The following ABLIM1 variants were observed in gnomAD, a reference collection of about 807,000 sequenced individuals.
ABLIM1 encodes the protein actin-binding LIM protein 1.
ABLIM1 carries 40 observed loss-of-function variants against 107.0 expected under a neutral mutation model. The ratio of observed to expected loss-of-function variants is 0.37; its 90% CI spans 0.29 to 0.49. The LOEUF is 0.49. Ranked by LOEUF, ABLIM1 falls within the 20% of genes least tolerant of loss-of-function variation. The pLI is 0.97. For missense variants in ABLIM1, 857 were observed against 1,008.5 expected, an observed-to-expected ratio of 0.85 and a Z score of 2.04; for synonymous variants, 357 against 357.3, an observed-to-expected ratio of 1.00 and a Z score of 0.01.
intron 6 of ABLIM1, among the ~76,000 whole-genome samples, chr10:114,511,058 A>G (rs2061789885): frequency 6.6e-6 from 1 of 152,024 alleles, no homozygotes; most frequent in Non-Finnish European, 1.5e-5. Flanking sequence ...ATATCTTTGA[A>G]GTCTTCCACT....
rs1215012774 is a variant in ABLIM1 at position 114,738,778 on chromosome 10, C to T, written c.-213+29283G>A. On this transcript the variant is annotated intron_variant, in intron 1 of 15. Coordinates refer to the ABLIM1 transcript ENST00000651092. ...TCTATAACAGATGGAAACTGAGGCA[C>T]GATAAAAAAAAAAAAGTAGGGAGTG... Among the ~76,000 whole-genome samples the T allele has an allele frequency of 5.9e-5, 8 of 136,506 alleles. No individual in the cohort carries two copies. The East Asian group carries it at 7.5e-4, about 13-fold the overall frequency. The allele number at this position is 136,506 out of a possible 152,430, so 89.6% of individuals were successfully genotyped here.
chr10:114,520,539 T>G (rs2063576345), intron 6 of ABLIM1, among the ~76,000 whole-genome samples: 1 of 152,188 alleles, frequency 6.6e-6, no homozygotes, highest in Admixed American at 6.5e-5. Context: ...CTGCCAATTG[T>G]AACCCTGGAT....
At chr10:114,716,369 A>G (rs1187263639) in intron 1 of ABLIM1, among the ~76,000 whole-genome samples, 1 of 151,646 alleles carries the variant, frequency 6.6e-6, no homozygotes, top group Non-Finnish European at 1.5e-5. Context: ...TGAGAGGTAT[A>G]AGAGTTTTTC....
At chr10:114,569,678 G>T (rs1445876408) in intron 4 of ABLIM1, among the ~76,000 whole-genome samples, 1 of 152,160 alleles carries the variant, frequency 6.6e-6, no homozygotes, top group Non-Finnish European at 1.5e-5. Context: ...AAATAATGGG[G>T]TGACAATTCC....
chr10:114,680,653 T>C (rs1240720895), intron 1 of ABLIM1, among the ~76,000 whole-genome samples: 2 of 152,176 alleles, frequency 1.3e-5, no homozygotes, highest in South Asian at 2.1e-4. Flanking sequence ...AGGTCATCTA[T>C]ATCCCGAAGG....
At chr10:114,601,432 AT>A (rs1174810204) in intron 2 of ABLIM1, among the ~76,000 whole-genome samples, 1 of 151,750 alleles carries the variant, frequency 6.6e-6, no homozygotes, top group Non-Finnish European at 1.5e-5. Flanking sequence ...CACCCAGCTA[AT>A]TTTTTTATTC....
upstream of ABLIM1, among the ~76,000 whole-genome samples, chr10:114,769,416 AAAGAAGGAAAG>A (rs1359648774): frequency 7.1e-5 from 1 of 14,068 alleles, no homozygotes; most frequent in East Asian, 6.5e-4. Context: ...GAAAGAAAGA[AAAGAAGGAAAG>A]AAAGAAAGAA....
chr10:114,623,102 GGCAT>G (rs1461543271), intron 1 of ABLIM1, among the ~76,000 whole-genome samples: 39 of 152,214 alleles, frequency 2.6e-4, no homozygotes, highest in Non-Finnish European at 2.1e-4. Flanking sequence ...TGAGACTACA[GGCAT>G]GCATCACCAT....
intron 1 of ABLIM1, among the ~76,000 whole-genome samples, chr10:114,701,995 T>C (rs998548551): frequency 9.2e-5 from 14 of 152,194 alleles, no homozygotes; most frequent in African/African-American, 3.4e-4. Flanking sequence ...AGGTTCATTA[T>C]ACTATTTTTT....
intron 4 of ABLIM1, among the ~76,000 whole-genome samples, chr10:114,568,934 G>A (rs1275983906): frequency 1.3e-5 from 2 of 152,120 alleles, no homozygotes. Flanking sequence ...ATAAAAATTA[G>A]AATCAACATT....
intron 1 of ABLIM1, among the ~76,000 whole-genome samples, chr10:114,710,317 G>T (rs1446844272): frequency 1.3e-5 from 2 of 152,176 alleles, no homozygotes; most frequent in East Asian, 3.9e-4. Flanking sequence ...AAGGAAAGAG[G>T]TTTAATTGAC....
intron 6 of ABLIM1, among the ~76,000 whole-genome samples, chr10:114,495,092 T>C (rs758660405): frequency 2.6e-5 from 4 of 152,196 alleles, no homozygotes; most frequent in Non-Finnish European, 5.9e-5. Flanking sequence ...AGCGAGAATA[T>C]ACAACTAGTT....
At position 114,668,103 on chromosome 10, in the gene ABLIM1, G is replaced by A. The variant is rs529957537; in HGVS notation, c.64+16187C>T. On this transcript the variant is annotated intron_variant, in intron 1 of 23. Coordinates refer to the ABLIM1 transcript ENST00000369256. ...CTTCAGGTTGCATGAAATTGAAAGGGGGCAGTGCTTGGGGGAGGGAATCCA... is the reference window on the plus strand; with the variant it reads ...CTTCAGGTTGCATGAAATTGAAAGGAGGCAGTGCTTGGGGGAGGGAATCCA... Among the ~76,000 whole-genome samples, 115 of 151,578 alleles carry A rather than the reference G, an allele frequency of 7.6e-4. 1 individual carries two copies. The South Asian group carries it at 0.023, about 31-fold the overall frequency.
intron 1 of ABLIM1, among the ~76,000 whole-genome samples, chr10:114,603,566 C>T (rs773224151): frequency 1.3e-5 from 2 of 151,234 alleles, no homozygotes; most frequent in Non-Finnish European, 2.9e-5. Flanking sequence ...GACATGCTCT[C>T]AAGATCTGTA....
intron 20 of ABLIM1, chr10:114,439,538 G>T (rs2059905668): frequency 2.0e-6 from 1 of 490,632 alleles, no homozygotes; most frequent in African/African-American, 1.9e-5. Flanking sequence ...AGATGCCCAA[G>T]TCTATTATTG....
At chr10:114,579,445 T>C (rs2073086550) in intron 2 of ABLIM1, among the ~76,000 whole-genome samples, 1 of 152,182 alleles carries the variant, frequency 6.6e-6, no homozygotes, top group East Asian at 1.9e-4. Flanking sequence ...TTTAGATAAG[T>C]CATGTTTTTA....
At chr10:114,671,924 A>T (rs2080272828) in intron 1 of ABLIM1, among the ~76,000 whole-genome samples, 1 of 151,180 alleles carries the variant, frequency 6.6e-6, no homozygotes, top group African/African-American at 2.4e-5. Context: ...GTGCAGTGGC[A>T]CGATCATAGC....
upstream of ABLIM1, among the ~76,000 whole-genome samples, chr10:114,658,844 G>T (rs959234922): frequency 6.6e-5 from 10 of 152,178 alleles, no homozygotes; most frequent in African/African-American, 1.9e-4. Context: ...CTGTCGTAAT[G>T]TTTCATGGGT....
At chr10:114,690,283 C>T in intron 1 of ABLIM1, 1 of 1,563,598 alleles carries the variant, frequency 6.4e-7, no homozygotes, top group South Asian at 1.1e-5. Flanking sequence ...TCCAACCACT[C>T]ACTCTTGGCA....
Sources: gnomAD v4.1 joint callset for allele counts (sites outside exome capture counted in the v4.1 genomes callset) on GRCh38, gnomAD v4.1.1 for gene constraint, MANE v1.5 for transcripts, NCBI Gene and HGNC (gene_info 2026-07-23, HGNC 2026-07-21) for gene names.